Variants in ZNF469 observed in about 807,000 individuals in gnomAD.
The protein encoded by ZNF469 is zinc finger protein 469.
A neutral mutation model predicts 1.0 loss-of-function variants in ZNF469; 1 was observed. The ratio of observed to expected loss-of-function variants is 1.00; its 90% CI spans 0.35 to 4.73. ZNF469 has a LOEUF of 4.73. Ranked by LOEUF, ZNF469 falls within the 30% of genes most tolerant of loss-of-function variation. The pLI is 0.16. For synonymous variants in ZNF469, 2,703 were observed against 2,363.4 expected, an observed-to-expected ratio of 1.14 and a Z score of -4.17; for missense variants, 6,100 against 5,356.3, an observed-to-expected ratio of 1.14 and a Z score of -4.33.
the ZNF469 span, among the ~76,000 whole-genome samples, chr16:88,339,947 C>T: frequency 6.6e-6 from 1 of 151,902 alleles, no homozygotes; most frequent in East Asian, 1.9e-4. Context: ...CGGGCCACCC[C>T]TGCAGAGGGG....
At chr16:88,352,873 G>C in the ZNF469 span, among the ~76,000 whole-genome samples, 1 of 152,228 alleles carries the variant, frequency 6.6e-6, no homozygotes, top group Non-Finnish European at 1.5e-5. Context: ...CACTGCCCCA[G>C]AGCCCACCGA....
the ZNF469 span, among the ~76,000 whole-genome samples, chr16:88,296,022 C>T: frequency 6.6e-6 from 1 of 152,220 alleles, no homozygotes; most frequent in African/African-American, 2.4e-5. Context: ...AGCGTCCCCC[C>T]TCGGGCTCTC....
chr16:88,192,027 T>C, the ZNF469 span: 2 of 152,184 alleles, frequency 1.3e-5, no homozygotes, highest in Non-Finnish European at 2.9e-5. Flanking sequence ...ATGGGACTGG[T>C]GTCCTTACAA....
chr16:88,275,776 C>G, the ZNF469 span, among the ~76,000 whole-genome samples: 1 of 152,216 alleles, frequency 6.6e-6, no homozygotes, highest in Non-Finnish European at 1.5e-5. Flanking sequence ...AAGTGTGGGG[C>G]TGGCAGCGTG....
At position 88,437,282 on chromosome 16, in the gene ZNF469, C is replaced by T. The variant is rs547200758; in HGVS notation, c.9812C>T (p.Ala3271Val). The change falls in exon 3 of 3, where the codon GCG becomes GTG. Residue 3271 changes from alanine (A) to valine (V), a missense_variant. Ala to Val is a moderately conservative substitution (Grantham distance 64). Transcript: ENST00000565624. ...EAKKDSPGER[A>V]KPRARSTPSN... The stretch of plus-strand genomic sequence containing the variant: ...AAGAAAGACAGCCCGGGCGAGAGGG[C>T]GAAACCCCGGGCACGCAGCACCCCC... 1.8e-4 allele frequency: 276 copies of T among 1,547,908 alleles called. 2 individuals are homozygous for T. In the East Asian group the frequency reaches 6.7e-3, roughly 38 times the overall value.
the ZNF469 span, among the ~76,000 whole-genome samples, chr16:88,263,485 G>A: frequency 4.6e-5 from 7 of 152,288 alleles, no homozygotes; most frequent in South Asian, 2.1e-4. Flanking sequence ...CAACGTGTGC[G>A]GGGCCCCAAG....
At chr16:88,174,809 A>T in the ZNF469 span, among the ~76,000 whole-genome samples, 2 of 152,002 alleles carry the variant, frequency 1.3e-5, no homozygotes, top group African/African-American at 2.4e-5. Flanking sequence ...ATTAATAACT[A>T]TTTCTGTTAT....
chr16:88,128,440 T>C, the ZNF469 span, among the ~76,000 whole-genome samples: 1 of 152,206 alleles, frequency 6.6e-6, no homozygotes, highest in Non-Finnish European at 1.5e-5. Context: ...TTTGCTGTTC[T>C]CACCCTCCAA....
chr16:88,336,441 ATCCT>A, the ZNF469 span, among the ~76,000 whole-genome samples: 1 of 151,112 alleles, frequency 6.6e-6, no homozygotes, highest in Admixed American at 6.6e-5. Flanking sequence ...ACACACGTTC[ATCCT>A]TCACGTGAGA....
At chr16:88,263,358 C>T in the ZNF469 span, among the ~76,000 whole-genome samples, 19 of 152,180 alleles carry the variant, frequency 1.2e-4, no homozygotes, top group African/African-American at 4.1e-4. Flanking sequence ...TGCTGTAGTA[C>T]GCCGAGGTGA....
At chr16:88,233,607 A>T in the ZNF469 span, among the ~76,000 whole-genome samples, 10 of 152,224 alleles carry the variant, frequency 6.6e-5, no homozygotes, top group South Asian at 1.9e-3. Context: ...AGGGAGTTTG[A>T]TTAGGCTTAG....
At chr16:88,266,266 G>T in the ZNF469 span, among the ~76,000 whole-genome samples, 1 of 152,144 alleles carries the variant, frequency 6.6e-6, no homozygotes, top group Non-Finnish European at 1.5e-5. Context: ...TGGAGCTATG[G>T]GGGGACTTGG....
chr16:88,325,508 C>T, the ZNF469 span, among the ~76,000 whole-genome samples: 1 of 152,268 alleles, frequency 6.6e-6, no homozygotes, highest in Non-Finnish European at 1.5e-5. Flanking sequence ...CGTGGCCCCA[C>T]CACTGCAGCC....
chr16:88,418,739 G>A (rs896716211), intron 1 of ZNF469, among the ~76,000 whole-genome samples: 8 of 152,076 alleles, frequency 5.3e-5, no homozygotes, highest in African/African-American at 1.7e-4. Context: ...GATAATTTGC[G>A]CCGTATTCTT....
chr16:88,103,840 C>A, the ZNF469 span, among the ~76,000 whole-genome samples: 2 of 150,618 alleles, frequency 1.3e-5, no homozygotes, highest in South Asian at 4.2e-4. Flanking sequence ...TGGAATAATC[C>A]TCCGTGGCAC....
intron 1 of ZNF469, among the ~76,000 whole-genome samples, chr16:88,402,723 C>A (rs1340603502): frequency 3.3e-5 from 5 of 152,222 alleles, no homozygotes; most frequent in African/African-American, 1.2e-4. Context: ...CAGAATGGGG[C>A]CCGGCCCCCG....
chr16:88,341,914 CGTG>C, the ZNF469 span, among the ~76,000 whole-genome samples: 1 of 152,080 alleles, frequency 6.6e-6, no homozygotes. Context: ...CTGGGAAGGC[CGTG>C]AGAAGGAGCT....
chr16:88,272,668 G>A, the ZNF469 span, among the ~76,000 whole-genome samples: 8 of 149,158 alleles, frequency 5.4e-5, no homozygotes, highest in East Asian at 4.0e-4. Flanking sequence ...ATGAATGAAC[G>A]GGTGGGTGTA....
the ZNF469 span, among the ~76,000 whole-genome samples, chr16:88,122,480 C>T: frequency 3.1e-4 from 47 of 149,654 alleles, no homozygotes; most frequent in Non-Finnish European, 5.2e-4. Flanking sequence ...ATCACATTCC[C>T]GTCACTCGCT....
Sources: gnomAD v4.1 joint callset for allele counts (sites outside exome capture counted in the v4.1 genomes callset) on GRCh38, gnomAD v4.1.1 for gene constraint, MANE v1.5 for transcripts, NCBI Gene and HGNC (gene_info 2026-07-23, HGNC 2026-07-21) for gene names.